Variants in OMD observed in about 807,000 individuals in gnomAD.
OMD encodes KSPG osteomodulin.
OMD carries 19 observed loss-of-function variants against 31.2 expected under a neutral mutation model. The observed-to-expected ratio is 0.61, with a 90% CI of 0.42 to 0.89. The LOEUF is 0.89. OMD is among the 40% of genes least tolerant of loss of function. The pLI, the probability that OMD is intolerant of heterozygous loss-of-function variation, is 0.00. For missense variants in OMD, 448 were observed against 490.8 expected (o/e 0.91, Z 0.82); for synonymous variants, 155 against 166.4 (o/e 0.93, Z 0.53).
chr9:92,422,084 G>C (rs1157579387), intron 1 of OMD, among the ~76,000 whole-genome samples: 2 of 150,334 alleles, frequency 1.3e-5, no homozygotes, highest in Non-Finnish European at 3.0e-5. Context: ...AGAGTCTCGT[G>C]CTGTCACCCA....
In OMD at chr9:92,417,069, G is replaced by A. The variant is rs747013816; in HGVS notation, c.490C>T (p.Leu164=). The change falls in exon 2 of 3, where the codon CTG becomes TTG. Residue 164 remains leucine (L), a synonymous_variant. Coordinates refer to ENST00000375550, the MANE Select transcript of OMD (RefSeq NM_005014.3). ...TTGTAACCAAGAAGGAGTCTTTCCAGAGATTTAGGAAGAGGAAATGGAAAT... is the reference window on the plus strand; with the variant it reads ...TTGTAACCAAGAAGGAGTCTTTCCAAAGATTTAGGAAGAGGAAATGGAAAT... ...EEFPFPLPKS[L]ERLLLGYNEI... 1 of 1,613,968 alleles carries A rather than the reference G, an allele frequency of 6.2e-7. No homozygotes were observed.
In OMD at chr9:92,413,736, G is replaced by A. The variant is rs1843508332; in HGVS notation, c.*1416C>T. On this transcript the variant is annotated 3_prime_UTR_variant, in exon 3 of 3. Coordinates refer to ENST00000375550, the MANE Select transcript of OMD (RefSeq NM_005014.3). ...TATTGCCAAGCCCTATATAAGAAAG[G>A]ACTTGATGAATGTTGATTAGACGAA... Among the ~76,000 whole-genome samples the A allele has an allele frequency of 6.6e-6, 1 of 152,066 alleles. No individual in the cohort carries two copies. Among genetic ancestry groups the A allele is most frequent in the Non-Finnish European group, 1.5e-5 (1 of 68,004 alleles).
Position 92,417,583 on chromosome 9 carries a change from A to G in OMD, c.-16-9T>C. Reference sequence around the variant, plus strand: ...TCTTCTTTTTTTTTTTCCTATTGCAAGGAGAAAAGGAAACATTGTGGAGAA... The same window carrying G: ...TCTTCTTTTTTTTTTTCCTATTGCAGGGAGAAAAGGAAACATTGTGGAGAA... On this transcript the variant is annotated splice_polypyrimidine_tract_variant and intron_variant, in intron 1 of 2. Transcript: ENST00000375550. 7.1e-7 allele frequency: 1 copy of G among 1,400,752 alleles called. No individual in the cohort carries two copies. Among genetic ancestry groups the G allele is most frequent in the African/African-American group, 1.4e-5 (1 of 69,216 alleles). The allele number at this position is 1,400,752 out of a possible 1,614,324, so 86.8% of individuals were successfully genotyped here. A position where few individuals can be genotyped will look rare whatever the true frequency, so the allele number is the denominator to read the frequency against.
In OMD at chr9:92,415,169, A is replaced by C. The variant is rs1351252274; in HGVS notation, c.1249T>G (p.Tyr417Asp). 3.1e-6 allele frequency: 5 copies of C among 1,605,408 alleles called. No individual in the cohort carries two copies. The highest frequency in any genetic ancestry group is 4.2e-6 in the Non-Finnish European group (5 of 1,177,544). The change falls in exon 3 of 3, where the codon TAT becomes GAT. Residue 417 changes from tyrosine to aspartate, a missense_variant. Physicochemically the swap from Tyr to Asp is radical, Grantham distance 160. Transcript: ENST00000375550. ...GTTTCTTGCTATTCTTGATTTTCAT[A>C]ATAATGAAGGTCAAAGTGCCCTTCT... is the stretch of plus-strand genomic sequence containing the variant. Reference protein sequence around the residue: ...GAEGHFDLHYYENQE With the variant: ...GAEGHFDLHYDENQE
rs539847696 is a variant in OMD, at chr9:92,417,423, G to C, written c.136C>G (p.Arg46Gly). 5.0e-6 allele frequency: 8 copies of C among 1,614,036 alleles called. No homozygotes were observed. In the South Asian group the frequency reaches 6.6e-5, roughly 13 times the overall value. The change falls in exon 2 of 3, where the codon CGT becomes GGT. Residue 46 changes from arginine to glycine, a missense_variant. Arg to Gly is a moderately radical substitution (Grantham distance 125, BLOSUM62 -2). Transcript: ENST00000375550. The stretch of plus-strand genomic sequence containing the variant: ...GGAACTCCGTAGTCTACATTTTGAC[G>C]AAATGGGAATCCTGTTTGGTAATCA... ...DDDYQTGFPF[R>G]QNVDYGVPFH...
chr9:92,416,605 A>G lies in OMD; in HGVS notation c.940+14T>C. On this transcript the variant is annotated intron_variant, in intron 2 of 2. Coordinates refer to ENST00000375550, the MANE Select transcript of OMD (RefSeq NM_005014.3). ...ATTCTTTCTCTCTTCAAAACACAATAAAAGTCTACATACTTTCTATTTCAT... is the reference window on the plus strand; with the variant it reads ...ATTCTTTCTCTCTTCAAAACACAATGAAAGTCTACATACTTTCTATTTCAT... The G allele has an allele frequency of 1.4e-6, 2 of 1,422,140 alleles. No homozygotes were observed. Among genetic ancestry groups the G allele is most frequent in the South Asian group, 1.4e-5 (1 of 73,328 alleles). The allele number at this position is 1,422,140 out of a possible 1,614,324, so 88.1% of individuals were successfully genotyped here. A position where few individuals can be genotyped will look rare whatever the true frequency, so the allele number is the denominator to read the frequency against.
rs1194871318 is a variant in OMD at position 92,417,086 on chromosome 9, A to G, written c.473T>C (p.Phe158Ser). Reference protein sequence around the residue: ...LEHNNLEEFPFPLPKSLERLL... With the variant: ...LEHNNLEEFPSPLPKSLERLL... The stretch of plus-strand genomic sequence containing the variant: ...TCTTTCCAGAGATTTAGGAAGAGGA[A>G]ATGGAAATTCTTCTAAATTATTATG... The change falls in exon 2 of 3, where the codon TTT becomes TCT. Residue 158 changes from phenylalanine to serine, a missense_variant. Physicochemically the swap from Phe to Ser is radical, Grantham distance 155. Coordinates refer to ENST00000375550, the MANE Select transcript of OMD (RefSeq NM_005014.3). The G allele has an allele frequency of 1.9e-6, 3 of 1,613,952 alleles. No individual in the cohort carries two copies. Among genetic ancestry groups the G allele is most frequent in the Middle Eastern group, 3.3e-4 (2 of 6,060 alleles).
chr9:92,422,243 G>A (rs1412935669), intron 1 of OMD, among the ~76,000 whole-genome samples: 3 of 151,928 alleles, frequency 2.0e-5, no homozygotes, highest in South Asian at 2.1e-4. Context: ...TAGTTAAGAC[G>A]GGATTTTGCC....
chr9:92,418,222 G>A (rs909766730), intron 1 of OMD, among the ~76,000 whole-genome samples: 2 of 151,988 alleles, frequency 1.3e-5, no homozygotes, highest in African/African-American at 4.8e-5. Flanking sequence ...AAGTATCTGG[G>A]ACTACAGGCG....
At chr9:92,420,848 T>G (rs1044219228) in intron 1 of OMD, among the ~76,000 whole-genome samples, 7 of 149,566 alleles carry the variant, frequency 4.7e-5, no homozygotes, top group Admixed American at 1.3e-4. Flanking sequence ...TTCTGTGAGA[T>G]TCGTGGAAGA....
At position 92,417,058 on chromosome 9, in the gene OMD, G is replaced by T; in HGVS notation, c.501C>A (p.Leu167=). The T allele has an allele frequency of 1.2e-6, 2 of 1,614,004 alleles. No individual in the cohort carries two copies. The highest frequency in any genetic ancestry group is 1.1e-5 in the South Asian group (1 of 91,076). ...TGGAGATTTCATTGTAACCAAGAAG[G>T]AGTCTTTCCAGAGATTTAGGAAGAG... is the stretch of plus-strand genomic sequence containing the variant. ...PFPLPKSLER[L]LLGYNEISKL... is the part of the protein sequence containing the mutation. The change falls in exon 2 of 3, where the codon CTC becomes CTA. Residue 167 remains leucine (L), a synonymous_variant. Coordinates refer to ENST00000375550, the MANE Select transcript of OMD (RefSeq NM_005014.3).
Position 92,416,873 on chromosome 9 carries a change from G to A in OMD, c.686C>T (p.Pro229Leu). The change falls in exon 2 of 3, where the codon CCT becomes CTT. Residue 229 changes from proline to leucine, a missense_variant. Coordinates refer to ENST00000375550, the MANE Select transcript of OMD (RefSeq NM_005014.3). ...ATACATAAGTGAAGAAGGCAAACCA[G>A]GAGGCATTGATTCTAATCTGTTACT... ...LCSNRLESMPPGLPSSLMYLS... is the reference protein window; with the variant it reads ...LCSNRLESMPLGLPSSLMYLS... The A allele has an allele frequency of 6.2e-7, 1 of 1,613,948 alleles. No homozygotes were observed. The highest frequency in any genetic ancestry group is 8.5e-7 in the Non-Finnish European group (1 of 1,179,938).
At chr9:92,421,761 T>A (rs1268017954) in intron 1 of OMD, among the ~76,000 whole-genome samples, 1 of 152,120 alleles carries the variant, frequency 6.6e-6, no homozygotes, top group African/African-American at 2.4e-5. Context: ...GAAGCCATAG[T>A]CCCTTCTGTA....
At chr9:92,419,371 G>A (rs547711600) in intron 1 of OMD, among the ~76,000 whole-genome samples, 1 of 149,680 alleles carries the variant, frequency 6.7e-6, no homozygotes, top group African/African-American at 2.5e-5. Context: ...TGCGATCTCG[G>A]CTCACTGCAG....
rs34607425 is a variant in OMD, at chr9:92,416,789, G to A, written c.770C>T (p.Pro257Leu). 3.3e-3 allele frequency: 5,278 copies of A among 1,613,714 alleles called. 17 individuals carry two copies. Among genetic ancestry groups the A allele is most frequent in the Non-Finnish European group, 3.9e-3 (4,593 of 1,179,778 alleles). The change falls in exon 2 of 3, where the codon CCA (proline) becomes CTA (leucine). Residue 257 changes from proline to leucine, a missense_variant. Transcript: ENST00000375550. ...SIPEKYFDKL[P>L]KLHTLRMSHN... ...TGACATTCTTAGAGTATGAAGTTTT[G>A]GAAGTTTGTCGAAGTATTTTTCGGG...
Position 92,415,941 on chromosome 9 carries a change from A to G in OMD, c.941-464T>C, listed in dbSNP as rs190236194. Among the ~76,000 whole-genome samples, 186 of 145,352 alleles carry G rather than the reference A, an allele frequency of 1.3e-3. 2 individuals are homozygous for G. The highest frequency in any genetic ancestry group is 0.011 in the Middle Eastern group (3 of 276). ...GGAAACATTGTGGAGAAAGTGAGTA[A>G]ACTCAGAATACGCTCTGTATAAATT... On this transcript the variant is annotated intron_variant, in intron 2 of 2. Transcript: ENST00000375550.
rs1218344353 is a variant in OMD at position 92,414,876 on chromosome 9, A to G, written c.*276T>C. On this transcript the variant is annotated 3_prime_UTR_variant, in exon 3 of 3. Coordinates refer to ENST00000375550, the MANE Select transcript of OMD (RefSeq NM_005014.3). The stretch of plus-strand genomic sequence containing the variant: ...ATACACTCACTTTCTTTAACATGAT[A>G]TTTCTATATTTAAAAAGAGCATAAG... 7.3e-6 allele frequency: 2 copies of G among 275,820 alleles called. No individual in the cohort carries two copies. The highest frequency in any genetic ancestry group is 2.2e-5 in the African/African-American group (1 of 46,030). The allele number at this position is 275,820 out of a possible 1,614,324, so 17.1% of individuals were successfully genotyped here. A position where few individuals can be genotyped will look rare whatever the true frequency, so the allele number is the denominator to read the frequency against.
At chr9:92,422,056 T>G (rs1431559199) in intron 1 of OMD, among the ~76,000 whole-genome samples, 1 of 149,402 alleles carries the variant, frequency 6.7e-6, no homozygotes, top group East Asian at 1.9e-4. Context: ...CATATTAACT[T>G]TTTTTTTTTT....
Position 92,417,007 on chromosome 9 carries a change from C to T in OMD, c.552G>A (p.Gly184=), listed in dbSNP as rs749310061. ...ISKLQTNAMD[G]LVNLTMLDLC... ...GATCAAGCATGGTCAAGTTTACTAGCCCATCCATAGCATTTGTCTGCAGTT... is the reference window on the plus strand; with the variant it reads ...GATCAAGCATGGTCAAGTTTACTAGTCCATCCATAGCATTTGTCTGCAGTT... The change falls in exon 2 of 3, where the codon GGG becomes GGA. Residue 184 remains glycine (G), a synonymous_variant. Coordinates refer to ENST00000375550, the MANE Select transcript of OMD (RefSeq NM_005014.3). 3.1e-6 allele frequency: 5 copies of T among 1,613,910 alleles called. No individual in the cohort carries two copies. Among genetic ancestry groups the T allele is most frequent in the Non-Finnish European group, 4.2e-6 (5 of 1,179,914 alleles).
Sources: gnomAD v4.1 joint callset for allele counts (sites outside exome capture counted in the v4.1 genomes callset) on GRCh38, gnomAD v4.1.1 for gene constraint, MANE v1.5 for transcripts, NCBI Gene and HGNC (gene_info 2026-07-23, HGNC 2026-07-21) for gene names.